PTCHD4: variants seen among roughly 807,000 people sequenced by gnomAD.
PTCHD4 encodes the protein patched domain containing 4.
A neutral mutation model predicts 58.1 loss-of-function variants in PTCHD4; 33 were observed. That is an observed-to-expected ratio of 0.57 (90% CI 0.43 to 0.76). The LOEUF (loss-of-function observed/expected upper bound fraction) is 0.76, where lower values mean the gene tolerates loss of function less well. PTCHD4 is among the 30% of genes least tolerant of loss of function. PTCHD4 has a pLI of 0.00. For synonymous variants in PTCHD4, 478 were observed against 409.6 expected (o/e 1.17, Z -2.02); for missense variants, 1,058 against 1,027.1 (o/e 1.03, Z -0.41).
chr6:48,086,836 T>G (rs1194971277), intron 1 of PTCHD4, among the ~76,000 whole-genome samples: 2 of 152,336 alleles, frequency 1.3e-5, no homozygotes, highest in East Asian at 3.9e-4. Flanking sequence ...TTGCTATGTA[T>G]TTTTTAATCA....
chr6:47,925,763 G>A lies in PTCHD4; in HGVS notation c.899-45827C>T, dbSNP rs570610112. Among the ~76,000 whole-genome samples, 13 of 152,276 alleles carry A rather than the reference G, an allele frequency of 8.5e-5. No individual in the cohort carries two copies. The South Asian group carries it at 2.5e-3, about 29-fold the overall frequency. ...ATGGCCCTTTCTTCGCTTCTGGTCA[G>A]ATGCAGTATTCTGCTTATTCTGTTT... On this transcript the variant is annotated intron_variant, in intron 4 of 4. Coordinates refer to ENST00000339488, the MANE Select transcript of PTCHD4 (RefSeq NM_001384253.1).
At chr6:48,016,254 G>T (rs1447683496) in intron 3 of PTCHD4, among the ~76,000 whole-genome samples, 1 of 151,878 alleles carries the variant, frequency 6.6e-6, no homozygotes, top group African/African-American at 2.4e-5. Context: ...AGGATTTGAG[G>T]CTACAGAAGG....
intron 3 of PTCHD4, among the ~76,000 whole-genome samples, chr6:48,031,136 T>A (rs563876733): frequency 6.6e-6 from 1 of 152,248 alleles, no homozygotes; most frequent in Non-Finnish European, 1.5e-5. Flanking sequence ...AGCAAGACCC[T>A]TACCCCTACC....
chr6:47,936,271 A>C (rs1381919997), intron 4 of PTCHD4, among the ~76,000 whole-genome samples: 2 of 152,228 alleles, frequency 1.3e-5, no homozygotes, highest in African/African-American at 4.8e-5. Flanking sequence ...AGTTCTATCC[A>C]ATATGATTTG....
intron 1 of PTCHD4, among the ~76,000 whole-genome samples, chr6:48,097,701 A>C (rs1288093505): frequency 6.6e-6 from 1 of 152,208 alleles, no homozygotes; most frequent in Non-Finnish European, 1.5e-5. Flanking sequence ...TATAATATAG[A>C]CAAGAAGATA....
chr6:48,079,759 T>C (rs1175441175), intron 1 of PTCHD4, among the ~76,000 whole-genome samples: 2 of 151,916 alleles, frequency 1.3e-5, no homozygotes, highest in Non-Finnish European at 2.9e-5. Flanking sequence ...TGCCTATACC[T>C]GGGGTGGAGT....
intron 3 of PTCHD4, among the ~76,000 whole-genome samples, chr6:48,058,309 G>A (rs1764487977): frequency 6.6e-6 from 1 of 152,238 alleles, no homozygotes; most frequent in Non-Finnish European, 1.5e-5. Context: ...GTTCCCAGGT[G>A]ATGACAATGC....
chr6:48,014,202 A>C (rs1762789936), intron 3 of PTCHD4, among the ~76,000 whole-genome samples: 1 of 152,150 alleles, frequency 6.6e-6, no homozygotes, highest in Non-Finnish European at 1.5e-5. Context: ...TAAAAGGTCC[A>C]CATTTTGTAC....
In PTCHD4 at chr6:47,875,561, G is replaced by A. The variant is rs889168278; in HGVS notation, c.*2742C>T. On this transcript the variant is annotated 3_prime_UTR_variant, in exon 5 of 5. Coordinates refer to ENST00000339488, the MANE Select transcript of PTCHD4 (RefSeq NM_001384253.1). ...TAAATTATTGCTACAGTTCTCTAAAGAGTACTACGGTGTCCTGGAAAAGAT... is the reference window on the plus strand; with the variant it reads ...TAAATTATTGCTACAGTTCTCTAAAAAGTACTACGGTGTCCTGGAAAAGAT... Among the ~76,000 whole-genome samples, 2 of 151,840 alleles carry A rather than the reference G, an allele frequency of 1.3e-5. No individual in the cohort carries two copies. The highest frequency in any genetic ancestry group is 6.6e-5 in the Admixed American group (1 of 15,202).
chr6:48,099,059 C>G (rs1343285104), intron 1 of PTCHD4, among the ~76,000 whole-genome samples: 1 of 152,124 alleles, frequency 6.6e-6, no homozygotes, highest in Non-Finnish European at 1.5e-5. Context: ...TCTGGAATTG[C>G]TATGACAAAG....
intron 3 of PTCHD4, among the ~76,000 whole-genome samples, chr6:48,054,213 G>T (rs1405860324): frequency 1.3e-5 from 2 of 152,116 alleles, no homozygotes; most frequent in Non-Finnish European, 2.9e-5. Context: ...ACTATACCAA[G>T]TGAAAAGGAG....
chr6:47,981,081 C>A (rs777430729), intron 4 of PTCHD4, among the ~76,000 whole-genome samples: 6 of 152,106 alleles, frequency 3.9e-5, no homozygotes, highest in Non-Finnish European at 8.8e-5. Flanking sequence ...GATCACCTGT[C>A]TTTAGCCTTC....
intron 4 of PTCHD4, among the ~76,000 whole-genome samples, chr6:47,887,316 T>C (rs962624423): frequency 2.0e-5 from 3 of 151,032 alleles, no homozygotes; most frequent in African/African-American, 7.3e-5. Flanking sequence ...AAATTATAAC[T>C]TTAATAATAA....
At position 48,082,684 on chromosome 6, in the gene PTCHD4, G is replaced by C. The variant is rs111878072; in HGVS notation, c.-969-12758C>G. Among the ~76,000 whole-genome samples, 1,067 of 152,020 alleles carry C rather than the reference G, an allele frequency of 7.0e-3. 10 individuals are homozygous for C. The highest frequency in any genetic ancestry group is 0.025 in the African/African-American group (1,020 of 41,458). On this transcript the variant is annotated intron_variant, in intron 1 of 4. Transcript: ENST00000339488. Reference sequence around the variant, plus strand: ...ACAATATTTACAGAGCTTGATTTCAGGATTAACTACTTTAAACCAAAGGTT... The same window carrying C: ...ACAATATTTACAGAGCTTGATTTCACGATTAACTACTTTAAACCAAAGGTT...
rs562260442 is a variant in PTCHD4, at chr6:47,942,644, AAAC to A, written c.899-62711_899-62709del. On this transcript the variant is annotated intron_variant, in intron 4 of 4. Coordinates refer to ENST00000339488, the MANE Select transcript of PTCHD4 (RefSeq NM_001384253.1). ...AGAGCAAGACCCTGTCTCAAAAAGC[AAAC>A]AACAACAACAACAAATAACCAGATC... Among the ~76,000 whole-genome samples, 352 of 152,280 alleles carry A rather than the reference AAAC, an allele frequency of 2.3e-3. 1 individual carries two copies. Among genetic ancestry groups the A allele is most frequent in the Non-Finnish European group, 3.8e-3 (257 of 68,018 alleles).
chr6:47,897,406 G>T (rs185024820), intron 4 of PTCHD4, among the ~76,000 whole-genome samples: 1 of 152,122 alleles, frequency 6.6e-6, no homozygotes, highest in Non-Finnish European at 1.5e-5. Context: ...CATGCATGAC[G>T]CAGTCCTGGA....
At chr6:48,022,161 A>G (rs1489041974) in intron 3 of PTCHD4, among the ~76,000 whole-genome samples, 1 of 149,958 alleles carries the variant, frequency 6.7e-6, no homozygotes, top group Admixed American at 6.7e-5. Flanking sequence ...TCCTTGTTCT[A>G]TCTCCTTTCT....
intron 1 of PTCHD4, among the ~76,000 whole-genome samples, chr6:48,080,224 A>G (rs1294303474): frequency 5.3e-5 from 8 of 152,184 alleles, no homozygotes; most frequent in Non-Finnish European, 1.2e-4. Flanking sequence ...GAATTCTACT[A>G]TGACCTTGGC....
intron 4 of PTCHD4, among the ~76,000 whole-genome samples, chr6:47,881,737 A>T (rs971014166): frequency 6.6e-6 from 1 of 152,174 alleles, no homozygotes; most frequent in Non-Finnish European, 1.5e-5. Flanking sequence ...TTTTAAAGAC[A>T]CATTGGCCAA....
Sources: gnomAD v4.1 joint callset for allele counts (sites outside exome capture counted in the v4.1 genomes callset) on GRCh38, gnomAD v4.1.1 for gene constraint, MANE v1.5 for transcripts, NCBI Gene and HGNC (gene_info 2026-07-23, HGNC 2026-07-21) for gene names.